Variants in ARHGEF1 observed in about 807,000 individuals in gnomAD.
ARHGEF1 encodes the protein Rho guanine nucleotide exchange factor 1.
ARHGEF1 carries 40 observed loss-of-function variants against 119.7 expected under a neutral mutation model. That is an observed-to-expected ratio of 0.33 (90% confidence interval 0.26 to 0.44). The LOEUF (loss-of-function observed/expected upper bound fraction) is 0.44. ARHGEF1 is among the 20% of genes least tolerant of loss of function. The pLI is 1.00. For missense variants in ARHGEF1, 976 were observed against 1,268.3 expected (o/e 0.77, Z 3.50); for synonymous variants, 494 against 521.0 (o/e 0.95, Z 0.71).
chr19:41,920,299 G>T (rs528952380), upstream of ARHGEF1, among the ~76,000 whole-genome samples: 10 of 130,444 alleles, frequency 7.7e-5, no homozygotes, highest in African/African-American at 2.6e-4. Flanking sequence ...ACAGACATGC[G>T]CTCACAGACA....
At chr19:41,887,902 C>T (rs1555845479) in intron 1 of ARHGEF1, among the ~76,000 whole-genome samples, 162 bp from the exon 2 acceptor site, 2 of 152,256 alleles carry the variant, frequency 1.3e-5, no homozygotes. Flanking sequence ...TGGCGGGTCT[C>T]TGAAGGGCTC....
chr19:41,896,532 G>C (rs1555847679), intron 13 of ARHGEF1, 50 bp downstream of exon 13: 1 of 1,432,316 alleles, frequency 7.0e-7, no homozygotes, highest in South Asian at 1.2e-5. Flanking sequence ...CTGGGCGCTG[G>C]TGGGTGGGTG....
intron 7 of ARHGEF1, 137 bp from the exon 8 acceptor site, chr19:41,893,137 C>T (rs1370985442): frequency 2.4e-6 from 3 of 1,251,774 alleles, no homozygotes; most frequent in Non-Finnish European, 3.3e-6. Context: ...CAGTCCTTCC[C>T]AATCCCTTCC....
rs142470828 is a variant in ARHGEF1, at chr19:41,888,668, T to G, written c.112-84T>G. ...AGGAGCTAACCCTGGCTTGGATCCC[T>G]TGTGAAGTGCCAGGAATGGGTAGGG... On this transcript the variant is annotated intron_variant, in intron 3 of 28. Transcript: ENST00000354532. This position sits in a 1 kb window ranked among gnomAD's most constrained non-coding sequence, Gnocchi z 5.1. 0.015 allele frequency: 20,738 copies of G among 1,341,568 alleles called. 208 individuals carry two copies. Among genetic ancestry groups the G allele is most frequent in the South Asian group, 0.026 (2,072 of 80,948 alleles). 83.1% of individuals were successfully genotyped at this position (1,341,568 alleles called of 1,614,324 possible). A position where few individuals can be genotyped will look rare whatever the true frequency, so the allele number is the denominator to read the frequency against.
Position 41,894,517 on chromosome 19 carries a change from G to A in ARHGEF1, c.811G>A (p.Ala271Thr), listed in dbSNP as rs147557273. The A allele has an allele frequency of 8.1e-6, 13 of 1,608,392 alleles. No individual in the cohort carries two copies. In the African/African-American group the frequency reaches 1.7e-4, roughly 21 times the overall value. ...GAAGGGGCTGAGCAGCATCCTGGAT[G>A]CCGCCCGCTGGAACCGGGGAGAGCC... ...TKKGLSSILD[A>T]ARWNRGEPQV... The change falls in exon 10 of 29, where the codon GCC (alanine) becomes ACC (threonine). Residue 271 changes from alanine (A) to threonine (T), a missense_variant. Physicochemically the swap from Ala to Thr is moderately conservative, Grantham distance 58. Coordinates refer to ENST00000354532, the MANE Select transcript of ARHGEF1 (RefSeq NM_004706.4).
rs368646630 is a variant in ARHGEF1, at chr19:41,906,562, G to T, written c.2597G>T (p.Arg866Leu). The T allele has an allele frequency of 5.0e-6, 8 of 1,600,260 alleles. No homozygotes were observed. ...GGGGGCGGCCCCCTGAGCCCAGCAC[G>T]GACCCAGGAAATCCAGGAGAACCTG... is the stretch of plus-strand genomic sequence containing the variant. ...VPGGGPLSPARTQEIQENLLS... is the reference protein window; with the variant it reads ...VPGGGPLSPALTQEIQENLLS... Residue 866 changes from arginine (R) to leucine (L), a missense_variant, in exon 27 of 29, where the codon CGG (arginine) becomes CTG (leucine). Physicochemically the swap from Arg to Leu is moderately radical, Grantham distance 102. Coordinates refer to ENST00000354532, the MANE Select transcript of ARHGEF1 (RefSeq NM_004706.4). This position sits in a 1 kb window ranked among gnomAD's most constrained non-coding sequence, Gnocchi z 4.5.
At chr19:41,907,026 CT>C in intron 28 of ARHGEF1, 78 bp from the exon 29 acceptor site, 1 of 1,332,602 alleles carries the variant, frequency 7.5e-7, no homozygotes, top group Admixed American at 2.8e-5. Flanking sequence ...TCTGCTCTCC[CT>C]GTCTTGTCTC....
chr19:41,905,832 G>A lies in ARHGEF1; in HGVS notation c.2404+5G>A. On this transcript the variant is annotated splice_donor_5th_base_variant and intron_variant, in intron 25 of 28. Transcript: ENST00000354532. The surrounding 1 kb of genome is among the most constrained non-coding windows in gnomAD (Gnocchi z 6.4). ...GAGAGACGTCTCCAGCTGATGGTGA[G>A]ACCAGAGGGATGCTGGGTGAGGGGC... is the stretch of plus-strand genomic sequence containing the variant. 6.2e-7 allele frequency: 1 copy of A among 1,614,126 alleles called. No individual in the cohort carries two copies. The highest frequency in any genetic ancestry group is 8.5e-7 in the Non-Finnish European group (1 of 1,180,008).
chr19:41,925,440 A>G (rs2074866041), intron 1 of ARHGEF1, among the ~76,000 whole-genome samples: 1 of 152,068 alleles, frequency 6.6e-6, no homozygotes, highest in Non-Finnish European at 1.5e-5. Context: ...GTGTGTGTGT[A>G]AAGTAATGTT....
rs1247914120 is a variant in ARHGEF1 at position 41,917,079 on chromosome 19, G to A, written c.1866-6013G>A. On this transcript the variant is annotated intron_variant, in intron 18 of 20. Transcript: ENST00000599589. The surrounding 1 kb of genome is among the most constrained non-coding windows in gnomAD (Gnocchi z 4.8). ...AGACCTGCTTCTGTGACTGCCTCTC[G>A]AGACACAGGTCTCTCGGTCTCTCTC... 2.6e-5 allele frequency among the ~76,000 whole-genome samples: 4 copies of A among 152,064 alleles called. No homozygotes were observed. The highest frequency in any genetic ancestry group is 2.1e-4 in the South Asian group (1 of 4,822).
At chr19:41,926,714 GA>G (rs1434601753) in intron 1 of ARHGEF1, among the ~76,000 whole-genome samples, 1 of 152,140 alleles carries the variant, frequency 6.6e-6, no homozygotes, top group Non-Finnish European at 1.5e-5. Flanking sequence ...GGCCGGCCGG[GA>G]GGGGGGAGCG....
chr19:41,899,660 C>T (rs1555848646), intron 14 of ARHGEF1, among the ~76,000 whole-genome samples: 1 of 151,916 alleles, frequency 6.6e-6, no homozygotes, highest in Admixed American at 6.6e-5. Flanking sequence ...CAGGCATGTG[C>T]CACCACGCCC....
chr19:41,891,998 G>C (rs781881641), intron 4 of ARHGEF1, 27 bp from the exon 5 acceptor site: 1 of 1,568,118 alleles, frequency 6.4e-7, no homozygotes, highest in Non-Finnish European at 8.7e-7. Context: ...TGAGGGAGCG[G>C]AGAGTCATGC....
rs2123475335 is a variant in ARHGEF1, at chr19:41,898,450, C to T, written c.1130C>T (p.Pro377Leu). 6.5e-7 allele frequency: 1 copy of T among 1,547,420 alleles called. No homozygotes were observed. Reference sequence around the variant, plus strand: ...AAGGCCTCTGTCCACAGCCCCGAGCCTGGAGATGAGGGGGAGCCGGGGCGG... The same window carrying T: ...AAGGCCTCTGTCCACAGCCCCGAGCTTGGAGATGAGGGGGAGCCGGGGCGG... ...DEGAETESPE[P>L]GDEGEPGRSG... The change falls in exon 14 of 29, where the codon CCT (proline) becomes CTT (leucine). Residue 377 changes from proline (P) to leucine (L), a missense_variant. Transcript: ENST00000354532.
At position 41,906,825 on chromosome 19, in the gene ARHGEF1, CAGGGCG is replaced by C; in HGVS notation, c.*17+23_*17+28del. ...GAAGGTGAGTGGGGCACCTGGGGGC[CAGGGCG>C]CTGTCCTGAAAGGAGGGTCCCCCTC... On this transcript the variant is annotated intron_variant, in intron 28 of 28. Coordinates refer to ENST00000354532, the MANE Select transcript of ARHGEF1 (RefSeq NM_004706.4). This position sits in a 1 kb window ranked among gnomAD's most constrained non-coding sequence, Gnocchi z 4.5. 1.3e-6 allele frequency: 2 copies of C among 1,576,978 alleles called. No homozygotes were observed. Among genetic ancestry groups the C allele is most frequent in the Non-Finnish European group, 1.7e-6 (2 of 1,157,302 alleles).
chr19:41,922,842 G>A (rs554665757), upstream of ARHGEF1, among the ~76,000 whole-genome samples: 11 of 152,322 alleles, frequency 7.2e-5, no homozygotes, highest in East Asian at 1.9e-3. Context: ...ATCCTGGCCC[G>A]CGCACTGCCG....
At chr19:41,886,864 G>A (rs192504994) in intron 1 of ARHGEF1, among the ~76,000 whole-genome samples, 119 of 152,302 alleles carry the variant, frequency 7.8e-4, no homozygotes, top group Admixed American at 1.7e-3. Context: ...GAGCCCCGCC[G>A]CTGGTCCACC....
chr19:41,886,034 T>C (rs1555845206), intron 1 of ARHGEF1, among the ~76,000 whole-genome samples: 2 of 151,936 alleles, frequency 1.3e-5, no homozygotes, highest in Admixed American at 1.3e-4. Context: ...TGTGAGCCAC[T>C]GTGTCCACCA....
intron 18 of ARHGEF1, chr19:41,912,787 G>A: frequency 1.8e-6 from 1 of 550,686 alleles, no homozygotes; most frequent in Non-Finnish European, 2.7e-6. Context: ...GGAGAGAAGG[G>A]GGATGCGGCT....
Sources: gnomAD v4.1 joint callset for allele counts (sites outside exome capture counted in the v4.1 genomes callset) on GRCh38, gnomAD v4.1.1 for gene constraint, Gnocchi (gnomAD v3.1) non-coding constraint, MANE v1.5 for transcripts, NCBI Gene and HGNC (gene_info 2026-07-23, HGNC 2026-07-21) for gene names.